Variants in OGN observed in about 807,000 individuals in gnomAD.
OGN encodes osteoglycin.
A neutral mutation model predicts 30.8 loss-of-function variants in OGN; 19 were observed. The ratio of observed to expected loss-of-function variants is 0.62; its 90% CI spans 0.43 to 0.90. The LOEUF (loss-of-function observed/expected upper bound fraction) is 0.90. Ranked by LOEUF, OGN falls within the 40% of genes least tolerant of loss-of-function variation. The pLI is 0.00. For missense variants in OGN, 283 were observed against 349.7 expected (o/e 0.81, Z 1.52); for synonymous variants, 126 against 128.3 (o/e 0.98, Z 0.12).
intron 4 of OGN, 82 bp downstream of exon 4, chr9:92,393,001 GGCA>G (rs1842749448): frequency 3.8e-6 from 4 of 1,062,808 alleles, no homozygotes; most frequent in Non-Finnish European, 5.4e-6. Flanking sequence ...GAATGTGATA[GGCA>G]GCAACTATAT....
chr9:92,383,747 C>G lies in OGN; in HGVS notation c.*1873G>C, dbSNP rs1842324618. 6.6e-6 allele frequency among the ~76,000 whole-genome samples: 1 copy of G among 151,982 alleles called. No homozygotes were observed. Among genetic ancestry groups the G allele is most frequent in the South Asian group, 2.1e-4 (1 of 4,826 alleles). ...TATTTCTTTAATTCTGGAATTCATA[C>G]CTTTTACCAATGTTCTTTCTCCCTT... is the stretch of plus-strand genomic sequence containing the variant. On this transcript the variant is annotated 3_prime_UTR_variant, in exon 7 of 7. Coordinates refer to ENST00000375561, the MANE Select transcript of OGN (RefSeq NM_014057.5).
At chr9:92,391,223 C>T (rs1194641106) in intron 4 of OGN, among the ~76,000 whole-genome samples, 1 of 149,874 alleles carries the variant, frequency 6.7e-6, no homozygotes. Flanking sequence ...GGTGAAACCC[C>T]ATCTCTACTA....
In OGN at chr9:92,386,312, C is replaced by T. The variant is rs779950058; in HGVS notation, c.631-16G>A. The T allele has an allele frequency of 6.6e-7, 1 of 1,524,528 alleles. No homozygotes were observed. Among genetic ancestry groups the T allele is most frequent in the Admixed American group, 1.7e-5 (1 of 59,916 alleles). 94.4% of individuals were successfully genotyped at this position (1,524,528 alleles called of 1,614,324 possible). ...TATTCAGTTTCTGTAAGGAAAATTT[C>T]ATGTGAGTGTTATTGAGGTTCTGTA... On this transcript the variant is annotated splice_polypyrimidine_tract_variant and intron_variant, in intron 5 of 6. Coordinates refer to ENST00000375561, the MANE Select transcript of OGN (RefSeq NM_014057.5).
intron 3 of OGN, among the ~76,000 whole-genome samples, chr9:92,396,821 G>A (rs1017909767): frequency 4.6e-5 from 7 of 151,770 alleles, no homozygotes; most frequent in African/African-American, 9.7e-5. Flanking sequence ...CTCTTGCCTC[G>A]GCCTTCCCAT....
At chr9:92,388,308 C>T (rs1842518599) in intron 5 of OGN, among the ~76,000 whole-genome samples, 1 of 151,660 alleles carries the variant, frequency 6.6e-6, no homozygotes, top group South Asian at 2.1e-4. Context: ...ACTACAGGCG[C>T]CCACCACCAC....
At chr9:92,404,411 G>A (rs1250231525) in intron 1 of OGN, 85 bp downstream of exon 1, 2 of 831,512 alleles carry the variant, frequency 2.4e-6, no homozygotes, top group Non-Finnish European at 3.3e-6. Flanking sequence ...ACCAGAGATG[G>A]CCTTTACATT....
Position 92,391,479 on chromosome 9 carries a change from G to C in OGN, c.428-1423C>G, listed in dbSNP as rs1291725398. ...CCAGGTGTGGTGGCACATGCCTGTA[G>C]TCTCAGCTACTTGCGAGACTGAGGG... On this transcript the variant is annotated intron_variant, in intron 4 of 6. Transcript: ENST00000375561. Among the ~76,000 whole-genome samples, 85 of 152,102 alleles carry C rather than the reference G, an allele frequency of 5.6e-4. 1 individual carries two copies. The highest frequency in any genetic ancestry group is 1.7e-3 in the African/African-American group (71 of 41,518).
intron 3 of OGN, 109 bp downstream of exon 3, chr9:92,400,983 C>A (rs1433034718): frequency 1.7e-6 from 1 of 578,708 alleles, no homozygotes; most frequent in African/African-American, 1.9e-5. Context: ...TAAAATTCCA[C>A]TGTTTGTATT....
At chr9:92,401,907 C>T (rs778186332) in intron 2 of OGN, among the ~76,000 whole-genome samples, 4 of 152,146 alleles carry the variant, frequency 2.6e-5, no homozygotes, top group African/African-American at 4.8e-5. Context: ...ATTTTAGTCT[C>T]GGTCTTGACT....
intron 3 of OGN, among the ~76,000 whole-genome samples, chr9:92,396,530 G>A (rs1270076030): frequency 2.7e-5 from 4 of 150,616 alleles, no homozygotes; most frequent in African/African-American, 4.9e-5. Flanking sequence ...TCTTAGCAGC[G>A]TTATTTAGAT....
intron 5 of OGN, among the ~76,000 whole-genome samples, chr9:92,387,121 C>T (rs1351082795): frequency 6.6e-6 from 1 of 150,838 alleles, no homozygotes; most frequent in Non-Finnish European, 1.5e-5. Context: ...GCCTGTAATC[C>T]CAGTACTTTG....
chr9:92,390,587 T>TGTGTGTGTGTGTGCGCGCGC (rs749697394), intron 4 of OGN, among the ~76,000 whole-genome samples: 1 of 141,814 alleles, frequency 7.1e-6, no homozygotes, highest in East Asian at 2.3e-4. Context: ...TGTGTGTGTG[T>TGTGTGTGTGTGTGCGCGCGC]GCGCGCGCGC....
Position 92,383,849 on chromosome 9 carries a change from T to C in OGN, c.*1771A>G, listed in dbSNP as rs147199324. 16 of 152,314 alleles carry C rather than the reference T, an allele frequency of 1.1e-4. No individual in the cohort carries two copies. The highest frequency in any genetic ancestry group is 3.8e-4 in the African/African-American group (16 of 41,584). 9.4% of individuals were successfully genotyped at this position (152,314 alleles called of 1,614,324 possible). ...AGTTATTTGATGGTGTTTTGCTCCATAAGTTTTATCATAAAAATAATATAG... is the reference window on the plus strand; with the variant it reads ...AGTTATTTGATGGTGTTTTGCTCCACAAGTTTTATCATAAAAATAATATAG... On this transcript the variant is annotated 3_prime_UTR_variant, in exon 7 of 7. Transcript: ENST00000375561.
At chr9:92,387,754 A>G (rs80184055) in intron 5 of OGN, among the ~76,000 whole-genome samples, 5,408 of 151,992 alleles carry the variant, frequency 0.036, 128 homozygotes, top group South Asian at 0.086. Flanking sequence ...GGGCAGCTGA[A>G]TTTATTATTT....
rs1427594284 is a variant in OGN, at chr9:92,403,391, G to A, written c.17C>T (p.Ser6Phe). MKTLQ[S>F]TLLLLLLVPL... ...CACAAGCAGTAACAGGAGAAGTGTAGACTGCAGAGTCTTCATTTTAGCAAA... is the reference window on the plus strand; with the variant it reads ...CACAAGCAGTAACAGGAGAAGTGTAAACTGCAGAGTCTTCATTTTAGCAAA... Residue 6 changes from serine to phenylalanine, a missense_variant, in exon 2 of 7, where the codon TCT becomes TTT. By Grantham distance (155) the Ser-to-Phe change is radical (BLOSUM62 -2). Coordinates refer to ENST00000375561, the MANE Select transcript of OGN (RefSeq NM_014057.5). 1.2e-6 allele frequency: 2 copies of A among 1,610,866 alleles called. No individual in the cohort carries two copies. Among genetic ancestry groups the A allele is most frequent in the Non-Finnish European group, 1.7e-6 (2 of 1,178,362 alleles).
chr9:92,393,238 G>C lies in OGN; in HGVS notation c.275C>G (p.Pro92Arg). The C allele has an allele frequency of 6.4e-7, 1 of 1,562,440 alleles. No individual in the cohort carries two copies. Among genetic ancestry groups the C allele is most frequent in the Non-Finnish European group, 8.7e-7 (1 of 1,154,096 alleles). ...TAAACAAACACACAGCAGACACGTG[G>C]GCATTTCTAAATTGGGAATAAAATC... ...LPPKKENDEM[P>R]TCLLCVCLSG... The change falls in exon 4 of 7, where the codon CCC (proline) becomes CGC (arginine). Residue 92 changes from proline (P) to arginine (R), a missense_variant. Pro to Arg is a moderately radical substitution (Grantham distance 103, BLOSUM62 -2). Coordinates refer to ENST00000375561, the MANE Select transcript of OGN (RefSeq NM_014057.5).
chr9:92,396,157 A>G (rs1842883372), intron 3 of OGN, among the ~76,000 whole-genome samples: 1 of 152,192 alleles, frequency 6.6e-6, no homozygotes, highest in African/African-American at 2.4e-5. Flanking sequence ...CACATTGTCA[A>G]GAACTAGTTG....
chr9:92,392,446 AC>A (rs759321554), intron 4 of OGN, among the ~76,000 whole-genome samples: 4 of 152,086 alleles, frequency 2.6e-5, no homozygotes, highest in Non-Finnish European at 5.9e-5. Flanking sequence ...ACATGGTGAA[AC>A]CCCATCTCTA....
intron 5 of OGN, chr9:92,389,620 A>C (rs1423568114): frequency 8.7e-6 from 3 of 343,390 alleles, no homozygotes; most frequent in Middle Eastern, 8.3e-4. Context: ...AAAAAATGAG[A>C]AACAAAATAG....
Sources: gnomAD v4.1 joint callset for allele counts (sites outside exome capture counted in the v4.1 genomes callset) on GRCh38, gnomAD v4.1.1 for gene constraint, MANE v1.5 for transcripts, NCBI Gene and HGNC (gene_info 2026-07-23, HGNC 2026-07-21) for gene names.